Variants in AKAP17A observed in about 807,000 individuals in gnomAD.
AKAP17A encodes A-kinase anchoring protein 17A.
Under a neutral mutation model 52.2 loss-of-function variants are expected in AKAP17A, and 15 were observed. That is an observed-to-expected ratio of 0.29 (90% CI 0.19 to 0.44). The LOEUF is 0.44. Among genes scored for constraint, AKAP17A ranks in the 20% least tolerant of loss-of-function variants. The pLI is 1.00. For missense variants in AKAP17A, 1,060 were observed against 1,007.0 expected (o/e 1.05, Z -0.71); for synonymous variants, 514 against 424.7 (o/e 1.21, Z -2.58).
At chrX:1,599,165 T>C (rs1479805084) in intron 3 of AKAP17A, 27 bp from the exon 4 acceptor site, 1 of 1,605,456 alleles carries the variant, frequency 6.2e-7, no homozygotes, top group Non-Finnish European at 8.5e-7. Context: ...GCGCTCTCTG[T>C]GACCACCCCC....
At chrX:1,594,389 G>A (rs1339292140) in intron 2 of AKAP17A, among the ~76,000 whole-genome samples, 165 bp downstream of exon 2, 7 of 152,142 alleles carry the variant, frequency 4.6e-5, no homozygotes, top group African/African-American at 1.2e-4. Flanking sequence ...AGGCACAGGC[G>A]TGAGGTGGAG....
intron 2 of AKAP17A, 92 bp from the exon 3 acceptor site, chrX:1,595,291 GC>G: frequency 5.1e-6 from 8 of 1,557,640 alleles, no homozygotes; most frequent in Non-Finnish European, 7.0e-6. Context: ...AGGCTCTGAG[GC>G]CACTCGGCCC....
chrX:1,594,986 G>A (rs143354652), intron 2 of AKAP17A, among the ~76,000 whole-genome samples: 2,610 of 152,290 alleles, frequency 0.017, 78 homozygotes, highest in African/African-American at 0.059. Context: ...GGGTTTTGTG[G>A]CCTTAAGATG....
chrX:1,598,004 G>T (rs1460952801), intron 3 of AKAP17A, among the ~76,000 whole-genome samples: 1 of 152,202 alleles, frequency 6.6e-6, no homozygotes, highest in South Asian at 2.1e-4. Flanking sequence ...GCCCAGGGCA[G>T]CCTCCTGCAT....
At chrX:1,598,953 C>G (rs1603460239) in intron 3 of AKAP17A, among the ~76,000 whole-genome samples, 1 of 152,268 alleles carries the variant, frequency 6.6e-6, no homozygotes, top group South Asian at 2.1e-4. Context: ...TTCGTGGTTT[C>G]AGGGTTGGGT....
chrX:1,600,027 A>C (rs1231519887), intron 4 of AKAP17A: 4 of 614,374 alleles, frequency 6.5e-6, no homozygotes, highest in Non-Finnish European at 1.1e-5. Flanking sequence ...GCCCACAGAC[A>C]GACAGACCTC....
chrX:1,597,017 G>A (rs1569351385), intron 3 of AKAP17A, among the ~76,000 whole-genome samples: 2 of 151,754 alleles, frequency 1.3e-5, no homozygotes, highest in South Asian at 4.2e-4. Flanking sequence ...TCATGTCGCC[G>A]ATATCAAGTC....
chrX:1,599,132 T>C (rs1256780271), intron 3 of AKAP17A, 60 bp from the exon 4 acceptor site: 14 of 1,581,792 alleles, frequency 8.9e-6, no homozygotes, highest in Middle Eastern at 2.3e-4. Flanking sequence ...GCCGCTTGTA[T>C]GGTGTGTGGT....
chrX:1,598,240 G>A (rs1214332510), intron 3 of AKAP17A, among the ~76,000 whole-genome samples: 1 of 152,206 alleles, frequency 6.6e-6, no homozygotes, highest in Non-Finnish European at 1.5e-5. Flanking sequence ...AACTGCCTGA[G>A]GACCTGCATG....
intron 1 of AKAP17A, among the ~76,000 whole-genome samples, chrX:1,593,154 G>A (rs2149439666): frequency 6.6e-6 from 1 of 152,272 alleles, no homozygotes; most frequent in South Asian, 2.1e-4. Context: ...GGCCTTGGGA[G>A]CTGCTGGCTG....
intron 2 of AKAP17A, among the ~76,000 whole-genome samples, 158 bp from the exon 3 acceptor site, chrX:1,595,226 T>C (rs1354136240): frequency 1.2e-5 from 1 of 82,502 alleles, no homozygotes; most frequent in African/African-American, 5.8e-5. Context: ...TGGGCTCCAC[T>C]GTCTGGGTCT....
chrX:1,594,610 TA>T (rs1932905178), intron 2 of AKAP17A, among the ~76,000 whole-genome samples: 1 of 152,024 alleles, frequency 6.6e-6, no homozygotes, highest in African/African-American at 2.4e-5. Context: ...TTATTTTTTT[TA>T]TTTTTTTTAT....
chrX:1,595,530 A>C lies in AKAP17A; in HGVS notation c.909A>C (p.Glu303Asp). The C allele has an allele frequency of 6.2e-7, 1 of 1,613,708 alleles. No homozygotes were observed. Among genetic ancestry groups the C allele is most frequent in the Non-Finnish European group, 8.5e-7 (1 of 1,179,840 alleles). The stretch of plus-strand genomic sequence containing the variant: ...CGGAGGAGAGGCAGCGAGCGGAGGA[A>C]AGGTACCTTCTGCGGGAGCGGGCCC... ...KEAEERQRAE[E>D]RKQKELEELE... The change falls in exon 3 of 5, where the codon GAA (glutamate) becomes GAC (aspartate). Residue 303 changes from glutamate (E) to aspartate (D), a missense_variant and splice_region_variant. This residue lies in a region of AKAP17A where 793 missense variants were observed against 629.9 expected (regional missense o/e 1.26). Coordinates refer to ENST00000313871, the MANE Select transcript of AKAP17A (RefSeq NM_005088.3).
At position 1,601,640 on chromosome X, in the gene AKAP17A, C is replaced by G; in HGVS notation, c.*46C>G. The G allele has an allele frequency of 1.5e-6, 2 of 1,370,202 alleles. No homozygotes were observed. Among genetic ancestry groups the G allele is most frequent in the South Asian group, 3.6e-5 (2 of 55,714 alleles). The allele number at this position is 1,370,202 out of a possible 1,614,324, so 84.9% of individuals were successfully genotyped here. A position where few individuals can be genotyped will look rare whatever the true frequency, so the allele number is the denominator to read the frequency against. Reference sequence around the variant, plus strand: ...CGGCCTGTCCGGGAAAGACCAGGACCTGCTCGAGCCTCCTGGCCGCTCCTT... The same window carrying G: ...CGGCCTGTCCGGGAAAGACCAGGACGTGCTCGAGCCTCCTGGCCGCTCCTT... On this transcript the variant is annotated 3_prime_UTR_variant, in exon 5 of 5. Coordinates refer to ENST00000313871, the MANE Select transcript of AKAP17A (RefSeq NM_005088.3).
rs757912760 is a variant in AKAP17A at position 1,601,555 on chromosome X, C to A, written c.2049C>A (p.Ser683=). Residue 683 remains serine (S), a synonymous_variant, in exon 5 of 5, where the codon TCC becomes TCA. Transcript: ENST00000313871. ...RHRRRSERSR[S]RSPSRHRSTW... The stretch of plus-strand genomic sequence containing the variant: ...GCCGCCGAAGCGAGCGGTCGCGCTC[C>A]CGGTCCCCGAGCAGGCACCGCAGTA... The A allele has an allele frequency of 3.4e-6, 5 of 1,464,892 alleles. No homozygotes were observed. In the African/African-American group the frequency reaches 4.3e-5, roughly 13 times the overall value. 90.7% of individuals were successfully genotyped at this position (1,464,892 alleles called of 1,614,324 possible).
intron 3 of AKAP17A, among the ~76,000 whole-genome samples, chrX:1,596,241 A>C (rs1311907270): frequency 1.3e-5 from 2 of 151,422 alleles, no homozygotes; most frequent in African/African-American, 4.9e-5. Flanking sequence ...AAAAAAAAAA[A>C]AACAAAAAAC....
Position 1,601,056 on chromosome X carries a change from C to T in AKAP17A, c.1550C>T (p.Ala517Val). 6.2e-7 allele frequency: 1 copy of T among 1,613,266 alleles called. No individual in the cohort carries two copies. The highest frequency in any genetic ancestry group is 8.5e-7 in the Non-Finnish European group (1 of 1,179,708). Reference sequence around the variant, plus strand: ...CCCAAAAGCGTGAACGGGAGCGTGGCCGAGGAGGCCCCATGCAAGGAGGTT... The same window carrying T: ...CCCAAAAGCGTGAACGGGAGCGTGGTCGAGGAGGCCCCATGCAAGGAGGTT... ...GAPKSVNGSVAEEAPCKEVQS... is the reference protein window; with the variant it reads ...GAPKSVNGSVVEEAPCKEVQS... Residue 517 changes from alanine (A) to valine (V), a missense_variant, in exon 5 of 5, where the codon GCC becomes GTC. Around this residue, in one of 2 missense-constraint regions of AKAP17A, gnomAD observed 793 missense variants for 629.9 expected, o/e 1.26. Transcript: ENST00000313871.
chrX:1,600,508 A>G (rs1569355007), intron 4 of AKAP17A, 151 bp from the exon 5 acceptor site: 1 of 812,308 alleles, frequency 1.2e-6, no homozygotes, highest in East Asian at 2.7e-5. Context: ...TCGCCGTAGG[A>G]GACGCCCCCC....
intron 4 of AKAP17A, 172 bp downstream of exon 4, chrX:1,599,604 G>A (rs1427394932): frequency 1.6e-5 from 15 of 930,314 alleles, no homozygotes; most frequent in Middle Eastern, 4.3e-4. Context: ...TGTAGCGCTC[G>A]TCTGTCGTTC....
Sources: gnomAD v4.1 joint callset for allele counts (sites outside exome capture counted in the v4.1 genomes callset) on GRCh38, gnomAD v4.1.1 for gene constraint, gnomAD v4.1.1 regional missense constraint, MANE v1.5 for transcripts, NCBI Gene and HGNC (gene_info 2026-07-23, HGNC 2026-07-21) for gene names.